Variants in SERGEF observed in about 807,000 individuals in gnomAD.
SERGEF encodes secretion regulating guanine nucleotide exchange factor.
SERGEF carries 51 observed loss-of-function variants against 50.0 expected under a neutral mutation model. That is an observed-to-expected ratio of 1.02 (90% CI 0.81 to 1.29). SERGEF has a LOEUF of 1.29. Among genes scored for constraint, SERGEF ranks in the 50% most tolerant of loss-of-function variants. The probability of loss-of-function intolerance (pLI) is 0.00; values close to 1 mark genes in which losing one functional copy is unlikely to be tolerated. For missense variants in SERGEF, 521 were observed against 557.0 expected (o/e 0.94, Z 0.65); for synonymous variants, 205 against 212.4 (o/e 0.97, Z 0.30).
At chr11:17,837,652 CCTCT>C (rs1437340897) in intron 10 of SERGEF, among the ~76,000 whole-genome samples, 3 of 150,512 alleles carry the variant, frequency 2.0e-5, no homozygotes, top group Non-Finnish European at 3.0e-5. Context: ...GCCAAGTAAA[CCTCT>C]TTCTTTTTTT....
At chr11:17,896,567 A>T (rs796447246) in intron 9 of SERGEF, among the ~76,000 whole-genome samples, 21 of 58,688 alleles carry the variant, frequency 3.6e-4, no homozygotes, top group African/African-American at 6.4e-4. Flanking sequence ...AAGGGAAGGG[A>T]AGGGGAAGGG....
intron 10 of SERGEF, among the ~76,000 whole-genome samples, chr11:17,830,641 A>AGAAG (rs1850282737): frequency 2.4e-5 from 2 of 82,110 alleles, no homozygotes; most frequent in Non-Finnish European, 4.6e-5. Flanking sequence ...AGGGGGAGGG[A>AGAAG]GAGGGAGGGA....
At chr11:17,910,395 T>A (rs191995004) in intron 9 of SERGEF, among the ~76,000 whole-genome samples, 2 of 152,012 alleles carry the variant, frequency 1.3e-5, no homozygotes, top group Admixed American at 6.6e-5. Context: ...ACTACAGGCA[T>A]GTGCCACCAC....
In SERGEF at chr11:17,807,752, G is replaced by A. The variant is rs1460377743; in HGVS notation, c.1049-19339C>T. ...GGCCTTTCCAAATGGTGGCCTACAG[G>A]GTGGCATGATCATGACTTGACTTTG... On this transcript the variant is annotated intron_variant, in intron 10 of 10. Transcript: ENST00000265965. Among the ~76,000 whole-genome samples the A allele has an allele frequency of 2.0e-5, 3 of 152,280 alleles. No homozygotes were observed. The East Asian group carries it at 5.8e-4, about 29-fold the overall frequency.
intron 8 of SERGEF, among the ~76,000 whole-genome samples, chr11:17,976,449 TAATTTTC>T (rs1467920958): frequency 3.1e-5 from 4 of 129,208 alleles, no homozygotes; most frequent in African/African-American, 1.2e-4. Context: ...CCACCTCGGC[TAATTTTC>T]ATTTTTTTTT....
chr11:18,006,804 T>A, intron 2 of SERGEF, 58 bp from the exon 3 acceptor site: 1 of 1,569,300 alleles, frequency 6.4e-7, no homozygotes, highest in Admixed American at 1.9e-5. Flanking sequence ...AACTGCAAAA[T>A]GAACAAAAAG....
chr11:17,993,744 A>C (rs557797561), intron 6 of SERGEF, among the ~76,000 whole-genome samples: 44 of 152,318 alleles, frequency 2.9e-4, no homozygotes, highest in Admixed American at 2.8e-3. Flanking sequence ...AGGACAAAGC[A>C]GATGTTTTCA....
At chr11:17,878,291 A>G in intron 9 of SERGEF, 47 bp from the exon 10 acceptor site, 1 of 1,413,580 alleles carries the variant, frequency 7.1e-7, no homozygotes, top group Non-Finnish European at 9.8e-7. Flanking sequence ...TATTTCAGCC[A>G]GTATATTTTA....
intron 8 of SERGEF, among the ~76,000 whole-genome samples, chr11:17,984,827 G>C (rs1223541192): frequency 6.6e-6 from 1 of 152,156 alleles, no homozygotes; most frequent in South Asian, 2.1e-4. Context: ...CTTAGTTACT[G>C]ATCATCTGTT....
intron 9 of SERGEF, among the ~76,000 whole-genome samples, chr11:17,934,980 C>G (rs1852423672): frequency 6.6e-6 from 1 of 152,102 alleles, no homozygotes; most frequent in Admixed American, 6.6e-5. Context: ...AAACTAAGTC[C>G]TATAGGGCCC....
intron 5 of SERGEF, among the ~76,000 whole-genome samples, chr11:18,000,030 A>G (rs1043372635): frequency 3.3e-5 from 5 of 152,246 alleles, no homozygotes; most frequent in African/African-American, 1.2e-4. Flanking sequence ...TCTTTCCTAC[A>G]TGACTTCTGC....
intron 10 of SERGEF, among the ~76,000 whole-genome samples, chr11:17,819,647 G>C (rs1850041032): frequency 6.6e-6 from 1 of 152,144 alleles, no homozygotes; most frequent in African/African-American, 2.4e-5. Flanking sequence ...CTCACTCATG[G>C]CAATGCTCAG....
intron 8 of SERGEF, among the ~76,000 whole-genome samples, chr11:17,962,133 C>T (rs1236773778): frequency 1.3e-5 from 2 of 152,176 alleles, no homozygotes; most frequent in East Asian, 3.8e-4. Context: ...CAGCTGCTGT[C>T]CCAAACTGAC....
chr11:17,899,279 TAAAAAATG>T (rs1419301021), intron 9 of SERGEF, among the ~76,000 whole-genome samples: 1 of 152,200 alleles, frequency 6.6e-6, no homozygotes, highest in African/African-American at 2.4e-5. Flanking sequence ...GGTCCTACTC[TAAAAAATG>T]ACTTTTTTCC....
At chr11:17,989,421 A>G (rs1260410429) in intron 7 of SERGEF, among the ~76,000 whole-genome samples, 1 of 152,194 alleles carries the variant, frequency 6.6e-6, no homozygotes, top group Non-Finnish European at 1.5e-5. Context: ...TTCCTCTCTA[A>G]GACTTAGTTT....
intron 9 of SERGEF, among the ~76,000 whole-genome samples, chr11:17,910,185 A>ACTCT (rs200128977): frequency 2.1e-3 from 230 of 108,516 alleles, no homozygotes; most frequent in African/African-American, 8.7e-3. Flanking sequence ...ACACACACAC[A>ACTCT]CACACACACT....
At chr11:17,936,567 A>G (rs1484340129) in intron 9 of SERGEF, among the ~76,000 whole-genome samples, 1 of 152,088 alleles carries the variant, frequency 6.6e-6, no homozygotes, top group Non-Finnish European at 1.5e-5. Context: ...TTCATGTTCT[A>G]ATAAAGAAGG....
intron 6 of SERGEF, 132 bp from the exon 7 acceptor site, chr11:17,993,125 C>G (rs148262466): frequency 3.0e-6 from 2 of 662,558 alleles, no homozygotes; most frequent in Non-Finnish European, 5.3e-6. Context: ...GTCAGCAGCA[C>G]TGGCCAAGAA....
At chr11:17,813,477 C>T (rs1019011202) in intron 10 of SERGEF, among the ~76,000 whole-genome samples, 4 of 152,192 alleles carry the variant, frequency 2.6e-5, no homozygotes, top group African/African-American at 9.6e-5. Context: ...TTGGCAAAAG[C>T]AATTCCACAT....
Sources: allele counts gnomAD v4.1 joint callset (sites outside exome capture counted in the v4.1 genomes callset), GRCh38; gene constraint gnomAD v4.1.1; transcripts MANE v1.5; gene names NCBI Gene and HGNC (gene_info 2026-07-23, HGNC 2026-07-21).